Variants in IL1RAPL1 observed in about 807,000 individuals in gnomAD.
The protein encoded by IL1RAPL1 is interleukin-1 receptor accessory protein-like 1.
IL1RAPL1 carries 3 observed loss-of-function variants against 48.4 expected under a neutral mutation model. The ratio of observed to expected loss-of-function variants is 0.06; its 90% CI spans 0.03 to 0.16. The LOEUF (loss-of-function observed/expected upper bound fraction) is 0.16, where lower values mean the gene tolerates loss of function less well. Among genes scored for constraint, IL1RAPL1 ranks in the 10% least tolerant of loss-of-function variants. The pLI, the probability that IL1RAPL1 is intolerant of heterozygous loss-of-function variation, is 1.00. For missense variants in IL1RAPL1, 349 were observed against 530.6 expected, an observed-to-expected ratio of 0.66 and a Z score of 3.36; for synonymous variants, 185 against 187.7, an observed-to-expected ratio of 0.99 and a Z score of 0.12.
chrX:29,465,484 C>A (rs62586478), intron 5 of IL1RAPL1, among the ~76,000 whole-genome samples: 1,145 of 111,654 alleles, frequency 0.01, 6 homozygotes, highest in Middle Eastern at 0.023. Flanking sequence ...CACTTCAGTG[C>A]GTGTCATGAG....
chrX:28,829,437 C>T (rs1920995683), intron 2 of IL1RAPL1, among the ~76,000 whole-genome samples: 1 of 111,369 alleles, frequency 9.0e-6, no homozygotes, highest in South Asian at 3.7e-4. Context: ...TCTTAGGATC[C>T]AGCCCTTTAC....
chrX:28,930,863 G>A (rs973084679), intron 2 of IL1RAPL1, among the ~76,000 whole-genome samples: 4 of 110,606 alleles, frequency 3.6e-5, no homozygotes, highest in Admixed American at 9.7e-5. Flanking sequence ...GGATGGTCTC[G>A]ATCTACTGAC....
At chrX:29,670,346 G>A (rs1926109535) in intron 6 of IL1RAPL1, among the ~76,000 whole-genome samples, 1 of 112,145 alleles carries the variant, frequency 8.9e-6, no homozygotes, top group African/African-American at 3.2e-5. Context: ...GGGCATGTCT[G>A]TTACTAAAAT....
intron 2 of IL1RAPL1, among the ~76,000 whole-genome samples, chrX:28,961,414 G>A (rs903525475): frequency 2.7e-5 from 3 of 111,000 alleles, no homozygotes; most frequent in African/African-American, 9.8e-5. Context: ...CACGTGCCAT[G>A]GTGGTTTGCT....
chrX:29,177,578 GT>G (rs1360832378), intron 2 of IL1RAPL1, among the ~76,000 whole-genome samples: 1 of 111,636 alleles, frequency 9.0e-6, no homozygotes, highest in African/African-American at 3.3e-5. Flanking sequence ...ATTGTTTAAG[GT>G]ACTGTATTGT....
At chrX:28,700,078 A>C (rs1412834257) in intron 1 of IL1RAPL1, among the ~76,000 whole-genome samples, 3 of 111,486 alleles carry the variant, frequency 2.7e-5, no homozygotes, top group Non-Finnish European at 5.7e-5. Flanking sequence ...TAATAATAGC[A>C]AATTAATCAC....
intron 1 of IL1RAPL1, among the ~76,000 whole-genome samples, chrX:28,780,363 G>GTGTGTGTGTGTGTGTCTGTC (rs56989010): frequency 1.1e-5 from 1 of 91,442 alleles, no homozygotes; most frequent in Non-Finnish European, 2.2e-5. Context: ...GTGTGTGTGT[G>GTGTGTGTGTGTGTGTCTGTC]TGTCTGTCTG....
intron 6 of IL1RAPL1, among the ~76,000 whole-genome samples, chrX:29,690,720 T>G (rs1427225238): frequency 8.9e-6 from 1 of 112,318 alleles, no homozygotes; most frequent in Admixed American, 9.4e-5. Context: ...CTTTTAAAAT[T>G]TACTTTAATT....
In IL1RAPL1 at chrX:29,782,887, CAT is replaced by C. The variant is rs1491518800; in HGVS notation, c.778+114384_778+114385del. Among the ~76,000 whole-genome samples, 46 of 59,852 alleles carry C rather than the reference CAT, an allele frequency of 7.7e-4. 2 individuals carry two copies. Among genetic ancestry groups the C allele is most frequent in the African/African-American group, 2.2e-3 (34 of 15,466 alleles). The allele number at this position is 59,852 out of a possible 115,157, so 52.0% of individuals were successfully genotyped here. A position where few individuals can be genotyped will look rare whatever the true frequency, so the allele number is the denominator to read the frequency against. On this transcript the variant is annotated intron_variant, in intron 6 of 10. Transcript: ENST00000378993. ...GGAAGATAAAATGGGTTGATCGTGA[CAT>C]TTTTTTTTTTTTTTTTTTTTTTTTT...
chrX:28,854,342 A>G (rs1229660449), intron 2 of IL1RAPL1, among the ~76,000 whole-genome samples: 1 of 111,722 alleles, frequency 9.0e-6, no homozygotes, highest in Non-Finnish European at 1.9e-5. Context: ...TTGATCATCA[A>G]TTGGACTTCA....
At chrX:29,452,119 C>G (rs1934686771) in intron 5 of IL1RAPL1, among the ~76,000 whole-genome samples, 1 of 111,789 alleles carries the variant, frequency 8.9e-6, no homozygotes, top group Non-Finnish European at 1.9e-5. Flanking sequence ...TATCAAGTAT[C>G]TAAAGTCTAT....
chrX:29,260,560 G>C (rs1255551299), intron 2 of IL1RAPL1, among the ~76,000 whole-genome samples: 1 of 111,430 alleles, frequency 9.0e-6, no homozygotes, highest in African/African-American at 3.3e-5. Context: ...TCTCCACCTG[G>C]CCCCGCCCTT....
At chrX:29,618,971 A>G (rs1434877317) in intron 5 of IL1RAPL1, among the ~76,000 whole-genome samples, 2 of 111,988 alleles carry the variant, frequency 1.8e-5, no homozygotes, top group Admixed American at 9.5e-5. Flanking sequence ...TAGGTCTATA[A>G]TGTACAGCTT....
At chrX:29,550,347 A>T (rs776115704) in intron 5 of IL1RAPL1, among the ~76,000 whole-genome samples, 1 of 110,179 alleles carries the variant, frequency 9.1e-6, no homozygotes, top group Admixed American at 9.7e-5. Context: ...GCCCGCCACC[A>T]CGCCCGGCTA....
At chrX:29,668,646 C>T (rs1926064153) in intron 6 of IL1RAPL1, 142 bp downstream of exon 6, 1 of 519,743 alleles carries the variant, frequency 1.9e-6, no homozygotes. Flanking sequence ...TGCTAGCATA[C>T]CTAGCCATTT....
intron 6 of IL1RAPL1, among the ~76,000 whole-genome samples, chrX:29,803,471 G>A (rs1340947971): frequency 2.1e-5 from 2 of 93,917 alleles, no homozygotes; most frequent in African/African-American, 3.8e-5. Context: ...ATGTATATAT[G>A]TATACATATA....
intron 6 of IL1RAPL1, among the ~76,000 whole-genome samples, chrX:29,889,376 T>C (rs2147220168): frequency 8.9e-6 from 1 of 112,008 alleles, no homozygotes; most frequent in Admixed American, 9.5e-5. Flanking sequence ...CACTTCAAAC[T>C]TCCTATTTTT....
intron 1 of IL1RAPL1, among the ~76,000 whole-genome samples, chrX:28,717,042 C>T (rs190104265): frequency 9.4e-4 from 105 of 112,080 alleles, no homozygotes; most frequent in African/African-American, 3.3e-3. Flanking sequence ...CACTTATACA[C>T]TGTTGATGGG....
intron 2 of IL1RAPL1, among the ~76,000 whole-genome samples, chrX:29,198,708 C>G (rs960599290): frequency 1.8e-5 from 2 of 111,293 alleles, no homozygotes; most frequent in African/African-American, 6.5e-5. Flanking sequence ...TTCCCTGGGT[C>G]AGTATTTCTC....
Sources: allele counts gnomAD v4.1 joint callset (sites outside exome capture counted in the v4.1 genomes callset), GRCh38; gene constraint gnomAD v4.1.1; transcripts MANE v1.5; gene names NCBI Gene and HGNC (gene_info 2026-07-23, HGNC 2026-07-21).